Variants in CFAP299 observed in about 807,000 individuals in gnomAD.
CFAP299 encodes cilia- and flagella-associated protein 299.
A neutral mutation model predicts 27.0 loss-of-function variants in CFAP299; 21 were observed. That is an observed-to-expected ratio of 0.78 (90% CI 0.55 to 1.12). CFAP299 has a LOEUF of 1.12. Ranked by LOEUF, CFAP299 falls within the 50% of genes most tolerant of loss-of-function variation. The probability of loss-of-function intolerance (pLI) is 0.00; values close to 1 mark genes in which losing one functional copy is unlikely to be tolerated. For missense variants in CFAP299, 310 were observed against 276.6 expected (o/e 1.12, Z -0.86); for synonymous variants, 104 against 98.1 (o/e 1.06, Z -0.36).
At chr4:80,736,299 T>C (rs1233567191) in intron 3 of CFAP299, among the ~76,000 whole-genome samples, 1 of 152,140 alleles carries the variant, frequency 6.6e-6, no homozygotes, top group Non-Finnish European at 1.5e-5. Context: ...TTTCTACATA[T>C]GGCTAGCCAG....
At chr4:80,481,002 A>G (rs995920744) in intron 2 of CFAP299, among the ~76,000 whole-genome samples, 11 of 152,072 alleles carry the variant, frequency 7.2e-5, no homozygotes, top group Admixed American at 7.2e-4. Context: ...TTATATTCAT[A>G]TAATGTTTTA....
chr4:80,459,480 T>C (rs1375338293), intron 2 of CFAP299, among the ~76,000 whole-genome samples: 1 of 152,200 alleles, frequency 6.6e-6, no homozygotes, highest in Non-Finnish European at 1.5e-5. Context: ...CTTCCAAGTG[T>C]ACTTTACTTC....
chr4:80,643,599 A>C (rs1410722755), intron 3 of CFAP299, among the ~76,000 whole-genome samples: 1 of 152,180 alleles, frequency 6.6e-6, no homozygotes, highest in African/African-American at 2.4e-5. Context: ...GGTATCTAGC[A>C]CACTAGTTGG....
At chr4:80,387,053 G>T in intron 2 of CFAP299, 1 of 1,410,176 alleles carries the variant, frequency 7.1e-7, no homozygotes, top group East Asian at 2.3e-5. Context: ...CCTTCTAGCA[G>T]TGTGGGCAGG....
rs571365665 is a variant in CFAP299 at position 80,598,063 on chromosome 4, G to A, written c.333+14880G>A. ...ACATCCTAGCAAAGATGTCAAGCAGGCATAAATATAAAAATCTGGATTTCA... is the reference window on the plus strand; with the variant it reads ...ACATCCTAGCAAAGATGTCAAGCAGACATAAATATAAAAATCTGGATTTCA... On this transcript the variant is annotated intron_variant, in intron 3 of 5. Transcript: ENST00000358105. Among the ~76,000 whole-genome samples, 7 of 152,302 alleles carry A rather than the reference G, an allele frequency of 4.6e-5. No individual in the cohort carries two copies. The South Asian group carries it at 1.5e-3, about 32-fold the overall frequency.
intron 3 of CFAP299, among the ~76,000 whole-genome samples, chr4:80,636,918 T>C (rs1364634380): frequency 6.6e-6 from 1 of 152,134 alleles, no homozygotes; most frequent in Non-Finnish European, 1.5e-5. Flanking sequence ...AGGTATATAT[T>C]AGAAAATAAA....
At chr4:80,872,924 T>C (rs1489931056) in intron 4 of CFAP299, 1 of 968,760 alleles carries the variant, frequency 1.0e-6, no homozygotes, top group Non-Finnish European at 1.2e-6. Context: ...TCTTCTTCTT[T>C]TTTTTTTTTC....
At chr4:80,864,025 G>A (rs1578195927) in intron 3 of CFAP299, among the ~76,000 whole-genome samples, 1 of 152,044 alleles carries the variant, frequency 6.6e-6, no homozygotes, top group South Asian at 2.1e-4. Context: ...TGGAGATAGG[G>A]ATGGCTACAA....
In CFAP299 at chr4:80,385,321, A is replaced by G. The variant is rs74389387; in HGVS notation, c.242+22437A>G. Among the ~76,000 whole-genome samples the G allele has an allele frequency of 1.7e-4, 26 of 152,284 alleles. No individual in the cohort carries two copies. In the East Asian group the frequency reaches 5.0e-3, roughly 29 times the overall value. On this transcript the variant is annotated intron_variant, in intron 2 of 5. Transcript: ENST00000358105. ...CTCTTCGTCCACATACAACTACTCCAGAATATTTATTTTCTTTTGTTTTAT... is the reference window on the plus strand; with the variant it reads ...CTCTTCGTCCACATACAACTACTCCGGAATATTTATTTTCTTTTGTTTTAT...
At chr4:80,602,636 G>A (rs1484281370) in intron 3 of CFAP299, among the ~76,000 whole-genome samples, 1 of 152,062 alleles carries the variant, frequency 6.6e-6, no homozygotes, top group Non-Finnish European at 1.5e-5. Flanking sequence ...GGTTGGTCCT[G>A]GTGGCTAATC....
chr4:80,800,100 T>TAATATATTATATATAAGATATTAATATA (rs1728330893), intron 3 of CFAP299, among the ~76,000 whole-genome samples: 1 of 67,816 alleles, frequency 1.5e-5, no homozygotes, highest in Non-Finnish European at 2.5e-5. Context: ...ATATAATATA[T>TAATATATTATATATAAGATATTAATATA]AATATATTAT....
chr4:80,721,460 G>GCTTT (rs1722807278), intron 3 of CFAP299, among the ~76,000 whole-genome samples: 1 of 152,108 alleles, frequency 6.6e-6, no homozygotes, highest in Non-Finnish European at 1.5e-5. Context: ...TCCCTCTGTA[G>GCTTT]CTTTGTGTGT....
chr4:80,367,199 T>C (rs567939039), intron 2 of CFAP299, among the ~76,000 whole-genome samples: 5 of 152,324 alleles, frequency 3.3e-5, no homozygotes, highest in East Asian at 3.9e-4. Flanking sequence ...ATTTATAGTA[T>C]GTGATTTAAA....
Position 80,591,662 on chromosome 4 carries a change from G to C in CFAP299, c.333+8479G>C, listed in dbSNP as rs150001896. Among the ~76,000 whole-genome samples the C allele has an allele frequency of 9.8e-3, 1,486 of 152,262 alleles. 19 individuals carry two copies. Among genetic ancestry groups the C allele is most frequent in the South Asian group, 0.069 (333 of 4,828 alleles). ...GGGACTTTAGAAATGGAGGGGCACA[G>C]AGCCAAGGAGTCACTGAGGCTAATC... On this transcript the variant is annotated intron_variant, in intron 3 of 5. Transcript: ENST00000358105.
intron 4 of CFAP299, among the ~76,000 whole-genome samples, chr4:80,916,295 A>ATATATATATATATATTTT (rs1405206483): frequency 8.0e-6 from 1 of 125,570 alleles, no homozygotes; most frequent in African/African-American, 3.2e-5. Context: ...ATATATATAT[A>ATATATATATATATATTTT]TTTCAGGTAC....
intron 4 of CFAP299, among the ~76,000 whole-genome samples, chr4:80,895,612 T>C (rs1317703756): frequency 6.6e-6 from 1 of 152,052 alleles, no homozygotes; most frequent in Non-Finnish European, 1.5e-5. Flanking sequence ...TTTTTCTATA[T>C]TCAAATTCCT....
At position 80,800,187 on chromosome 4, in the gene CFAP299, T is replaced by G. The variant is rs1279941454; in HGVS notation, c.334-69806T>G. Among the ~76,000 whole-genome samples the G allele has an allele frequency of 1.8e-4, 13 of 71,778 alleles. 1 individual carries two copies. The highest frequency in any genetic ancestry group is 7.7e-4 in the African/African-American group (13 of 16,960). The allele number at this position is 71,778 out of a possible 152,430, so 47.1% of individuals were successfully genotyped here. A position where few individuals can be genotyped will look rare whatever the true frequency, so the allele number is the denominator to read the frequency against. On this transcript the variant is annotated intron_variant, in intron 3 of 5. Transcript: ENST00000358105. ...AATACATATAATATATAATAATATG[T>G]AATACTATATAATATAATATATAAT...
At chr4:80,515,289 A>G (rs1169996463) in intron 2 of CFAP299, among the ~76,000 whole-genome samples, 1 of 152,170 alleles carries the variant, frequency 6.6e-6, no homozygotes, top group Admixed American at 6.5e-5. Flanking sequence ...AATTACACTA[A>G]TGGTTCAGGT....
chr4:80,875,697 A>C (rs1733339363), intron 4 of CFAP299, among the ~76,000 whole-genome samples: 1 of 151,900 alleles, frequency 6.6e-6, no homozygotes, highest in South Asian at 2.1e-4. Context: ...TCTCATCTCA[A>C]CTGTCATCCA....
Sources: gnomAD v4.1 joint callset for allele counts (sites outside exome capture counted in the v4.1 genomes callset) on GRCh38, gnomAD v4.1.1 for gene constraint, MANE v1.5 for transcripts, NCBI Gene and HGNC (gene_info 2026-07-23, HGNC 2026-07-21) for gene names.